The following CYP46A1 variants were observed in gnomAD, a reference collection of about 807,000 sequenced individuals.
The protein encoded by CYP46A1 is cholesterol 24-hydroxylase.
Under a neutral mutation model 63.3 loss-of-function variants are expected in CYP46A1, and 20 were observed. The ratio of observed to expected loss-of-function variants is 0.32; its 90% CI spans 0.22 to 0.46. The LOEUF (loss-of-function observed/expected upper bound fraction) is 0.46, where lower values mean the gene tolerates loss of function less well. CYP46A1 is among the 20% of genes least tolerant of loss of function. CYP46A1 has a pLI of 1.00. For missense variants in CYP46A1, 445 were observed against 670.8 expected (o/e 0.66, Z 3.72); for synonymous variants, 268 against 273.6 (o/e 0.98, Z 0.20).
intron 4 of CYP46A1, 132 bp from the exon 5 acceptor site, chr14:99,699,883 A>C: frequency 1.5e-6 from 1 of 646,514 alleles, no homozygotes; most frequent in Non-Finnish European, 2.7e-6. Context: ...GTGCCTTCAC[A>C]ATGTGGCGCA....
intron 3 of CYP46A1, among the ~76,000 whole-genome samples, chr14:99,695,911 G>T (rs1207200221): frequency 6.6e-6 from 1 of 152,048 alleles, no homozygotes; most frequent in African/African-American, 2.4e-5. Flanking sequence ...GATTACAGGC[G>T]TGAGCCACCA....
Position 99,722,196 on chromosome 14 carries a change from T to G in CYP46A1, c.1176+130T>G, listed in dbSNP as rs1595208265. Reference sequence around the variant, plus strand: ...CAACGGGCCTCACTGGCTGCCCTGGTCTTTCTCATGGAGTCTCACCATAGC... The same window carrying G: ...CAACGGGCCTCACTGGCTGCCCTGGGCTTTCTCATGGAGTCTCACCATAGC... On this transcript the variant is annotated intron_variant, in intron 12 of 14. Transcript: ENST00000261835. The surrounding 1 kb of genome is among the most constrained non-coding windows in gnomAD (Gnocchi z 4.6). 1 of 628,366 alleles carries G rather than the reference T, an allele frequency of 1.6e-6. No homozygotes were observed. The highest frequency in any genetic ancestry group is 2.9e-5 in the East Asian group (1 of 35,060). 38.9% of individuals were successfully genotyped at this position (628,366 alleles called of 1,614,324 possible).
At chr14:99,717,522 G>T (rs1453204898) in intron 9 of CYP46A1, among the ~76,000 whole-genome samples, 1 of 152,030 alleles carries the variant, frequency 6.6e-6, no homozygotes, top group Non-Finnish European at 1.5e-5. Context: ...CTGCTTCCCA[G>T]CTCTGACTTG....
At chr14:99,723,438 A>AGC (rs1360862225) in intron 12 of CYP46A1, among the ~76,000 whole-genome samples, 1 of 152,022 alleles carries the variant, frequency 6.6e-6, no homozygotes, top group Non-Finnish European at 1.5e-5. Flanking sequence ...CCTCCCGAGT[A>AGC]GCTGGGACTA....
intron 12 of CYP46A1, among the ~76,000 whole-genome samples, chr14:99,723,425 C>T (rs538160505): frequency 9.2e-5 from 14 of 152,314 alleles, no homozygotes; most frequent in African/African-American, 2.9e-4. Context: ...TCTCGTGCCT[C>T]GGCCTCCCGA....
chr14:99,719,467 C>T (rs937724670), intron 10 of CYP46A1, among the ~76,000 whole-genome samples: 4 of 151,792 alleles, frequency 2.6e-5, no homozygotes, highest in African/African-American at 9.7e-5. Flanking sequence ...AGTGATCCAC[C>T]CATCTTGGCA....
intron 14 of CYP46A1, 37 bp downstream of exon 14, chr14:99,726,293 GC>G (rs2056896386): frequency 1.2e-6 from 2 of 1,602,140 alleles, no homozygotes; most frequent in African/African-American, 1.3e-5. Flanking sequence ...CCCAGGAGTA[GC>G]TGCAGGGGTG....
chr14:99,726,344 C>T (rs1444639180), intron 14 of CYP46A1, 88 bp downstream of exon 14: 1 of 1,426,132 alleles, frequency 7.0e-7, no homozygotes, highest in African/African-American at 1.4e-5. Flanking sequence ...CGAACCCCTG[C>T]TCTGGGGCTG....
At chr14:99,724,412 C>CT (rs1441161076) in intron 12 of CYP46A1, among the ~76,000 whole-genome samples, 2 of 152,158 alleles carry the variant, frequency 1.3e-5, no homozygotes, top group Non-Finnish European at 2.9e-5. Flanking sequence ...GCCAAGCTTT[C>CT]TTTTTTAATG....
chr14:99,692,234 A>G (rs1303034520), intron 3 of CYP46A1, among the ~76,000 whole-genome samples: 10 of 152,230 alleles, frequency 6.6e-5, no homozygotes, highest in Non-Finnish European at 1.3e-4. Flanking sequence ...AGTTTATTTA[A>G]CAAATAATAT....
chr14:99,706,619 G>A (rs1261898169), intron 5 of CYP46A1, 28 bp from the exon 6 acceptor site: 1 of 1,612,078 alleles, frequency 6.2e-7, no homozygotes, highest in Non-Finnish European at 8.5e-7. Context: ...CTGGCCAGTG[G>A]CCGTTGATGC....
At chr14:99,714,293 A>G (rs139502581) in intron 7 of CYP46A1, among the ~76,000 whole-genome samples, 1,953 of 152,344 alleles carry the variant, frequency 0.013, 30 homozygotes, top group African/African-American at 0.045. Flanking sequence ...TTGTATAGCC[A>G]TTATGGAAAA....
intron 2 of CYP46A1, chr14:99,691,552 T>G: frequency 1.7e-6 from 1 of 591,328 alleles, no homozygotes; most frequent in Non-Finnish European, 3.0e-6. Context: ...TTTCCAACCC[T>G]ATTCCATGGC....
chr14:99,689,193 C>T (rs1259633764), intron 1 of CYP46A1, among the ~76,000 whole-genome samples: 2 of 152,162 alleles, frequency 1.3e-5, no homozygotes, highest in African/African-American at 2.4e-5. Context: ...CAATAGTCCA[C>T]CACAAACCTT....
chr14:99,723,352 G>A (rs59098328), intron 12 of CYP46A1, among the ~76,000 whole-genome samples: 32,788 of 151,898 alleles, frequency 0.22, 3,871 homozygotes, highest in East Asian at 0.36. Context: ...TCTGTCCCCC[G>A]GGCTGGAGTG....
intron 7 of CYP46A1, chr14:99,711,514 G>C (rs144942430): frequency 5.9e-5 from 9 of 151,848 alleles, no homozygotes; most frequent in Non-Finnish European, 1.3e-4. Context: ...ATACACTAAC[G>C]ATTGGAAAAC....
At chr14:99,690,303 G>A (rs939285718) in intron 1 of CYP46A1, among the ~76,000 whole-genome samples, 1 of 152,166 alleles carries the variant, frequency 6.6e-6, no homozygotes, top group African/African-American at 2.4e-5. Context: ...AGGCATAAAT[G>A]GGTTTTAAAC....
intron 3 of CYP46A1, among the ~76,000 whole-genome samples, chr14:99,694,395 G>A (rs1254441605): frequency 3.1e-5 from 4 of 130,798 alleles, no homozygotes; most frequent in Non-Finnish European, 6.5e-5. Flanking sequence ...TTCTTGATCA[G>A]TTCACCAAAA....
intron 3 of CYP46A1, among the ~76,000 whole-genome samples, chr14:99,697,125 C>T (rs1384968882): frequency 6.6e-6 from 1 of 152,192 alleles, no homozygotes; most frequent in Non-Finnish European, 1.5e-5. Context: ...TCTTCTTTCC[C>T]CAGAAGTTGT....
Sources: allele counts gnomAD v4.1 joint callset (sites outside exome capture counted in the v4.1 genomes callset), GRCh38; gene constraint gnomAD v4.1.1; non-coding constraint Gnocchi (gnomAD v3.1); transcripts MANE v1.5; gene names NCBI Gene and HGNC (gene_info 2026-07-23, HGNC 2026-07-21).